The following ZFHX3 variants were observed in gnomAD, a reference collection of about 807,000 sequenced individuals.
The protein encoded by ZFHX3 is zinc finger homeobox protein 3.
A neutral mutation model predicts 279.1 loss-of-function variants in ZFHX3; 42 were observed. The ratio of observed to expected loss-of-function variants is 0.15; its 90% CI spans 0.12 to 0.19. The LOEUF is 0.19. ZFHX3 is among the 10% of genes least tolerant of loss of function. The pLI, the probability that ZFHX3 is intolerant of heterozygous loss-of-function variation, is 1.00. For synonymous variants in ZFHX3, 2,293 were observed against 1,957.8 expected (o/e 1.17, Z -4.52); for missense variants, 4,981 against 4,754.0 (o/e 1.05, Z -1.40).
chr16:73,000,448 T>G (rs962980220), intron 1 of ZFHX3, among the ~76,000 whole-genome samples: 1 of 152,144 alleles, frequency 6.6e-6, no homozygotes, highest in East Asian at 1.9e-4. Flanking sequence ...TTTCCTAGGG[T>G]TGTGGCAATG....
intron 2 of ZFHX3, among the ~76,000 whole-genome samples, chr16:73,525,701 C>G (rs181902510): frequency 6.6e-6 from 1 of 152,190 alleles, no homozygotes; most frequent in Admixed American, 6.5e-5. Flanking sequence ...TCAGGACCAG[C>G]AGCCAATATC....
At chr16:73,552,464 G>T (rs2020216675) in intron 2 of ZFHX3, among the ~76,000 whole-genome samples, 1 of 152,116 alleles carries the variant, frequency 6.6e-6, no homozygotes, top group South Asian at 2.1e-4. Flanking sequence ...ATGGGCAGAA[G>T]CTCAAAAGGT....
At chr16:73,631,269 C>T (rs2052466204) in intron 2 of ZFHX3, among the ~76,000 whole-genome samples, 1 of 152,188 alleles carries the variant, frequency 6.6e-6, no homozygotes, top group South Asian at 2.1e-4. Context: ...ATTAATTCCT[C>T]CTCCAGATAT....
At chr16:73,862,105 A>T (rs1286469122) in intron 1 of ZFHX3, among the ~76,000 whole-genome samples, 1 of 152,132 alleles carries the variant, frequency 6.6e-6, no homozygotes, top group Non-Finnish European at 1.5e-5. Flanking sequence ...CTGAGCATTC[A>T]TTTTGTGGGC....
intron 5 of ZFHX3, among the ~76,000 whole-genome samples, chr16:73,192,811 G>A (rs1370509775): frequency 1.3e-5 from 2 of 152,186 alleles, no homozygotes; most frequent in Non-Finnish European, 2.9e-5. Flanking sequence ...CACAAATGGG[G>A]TCATTCATTT....
intron 1 of ZFHX3, among the ~76,000 whole-genome samples, chr16:73,787,855 A>G (rs199853967): frequency 0.022 from 2,432 of 109,948 alleles, 36 homozygotes; most frequent in African/African-American, 0.064. Context: ...GTGTGTGTGA[A>G]AGAGAGAGAG....
chr16:73,685,336 G>T (rs371695551), intron 1 of ZFHX3, among the ~76,000 whole-genome samples: 6 of 152,192 alleles, frequency 3.9e-5, no homozygotes, highest in East Asian at 1.9e-4. Context: ...TTTTAAAAAT[G>T]TAAGAGGGAG....
intron 1 of ZFHX3, among the ~76,000 whole-genome samples, chr16:73,778,502 G>C (rs1477954238): frequency 6.6e-6 from 1 of 152,180 alleles, no homozygotes; most frequent in Non-Finnish European, 1.5e-5. Context: ...AATTCCCTCA[G>C]TGGTAGCAGC....
intron 1 of ZFHX3, among the ~76,000 whole-genome samples, chr16:73,864,334 C>T (rs908668237): frequency 3.9e-5 from 6 of 152,188 alleles, no homozygotes; most frequent in African/African-American, 4.8e-5. Context: ...TCATTAACTA[C>T]GCTGTGACAA....
Position 72,894,264 on chromosome 16 carries a change from T to C in ZFHX3, c.3217-4302A>G, listed in dbSNP as rs550260943. ...CTTGGGTCTACTATGTCTACCTGCA[T>C]GTGACAAGTCCTGCTCTCCCCAGAT... On this transcript the variant is annotated intron_variant, in intron 3 of 9. Coordinates refer to ENST00000268489, the MANE Select transcript of ZFHX3 (RefSeq NM_006885.4). 6.6e-5 allele frequency among the ~76,000 whole-genome samples: 10 copies of C among 152,304 alleles called. No individual in the cohort carries two copies. The South Asian group carries it at 1.2e-3, about 19-fold the overall frequency.
At chr16:72,871,336 C>T (rs987240997) in intron 4 of ZFHX3, among the ~76,000 whole-genome samples, 3 of 149,744 alleles carry the variant, frequency 2.0e-5, no homozygotes, top group African/African-American at 4.9e-5. Flanking sequence ...CCACCATGCC[C>T]GGCTAATTTT....
intron 4 of ZFHX3, among the ~76,000 whole-genome samples, chr16:72,849,975 C>A (rs80063737): frequency 6.7e-6 from 1 of 148,842 alleles, no homozygotes; most frequent in Non-Finnish European, 1.5e-5. Context: ...TGCTAAGCTA[C>A]GTCAGGGGAC....
intron 3 of ZFHX3, among the ~76,000 whole-genome samples, chr16:73,404,929 C>T (rs1274446116): frequency 6.6e-6 from 1 of 152,212 alleles, no homozygotes; most frequent in Non-Finnish European, 1.5e-5. Context: ...ACTGCCCAAC[C>T]TCCAAGCACT....
intron 7 of ZFHX3, among the ~76,000 whole-genome samples, chr16:73,127,768 C>G (rs1966596986): frequency 6.6e-6 from 1 of 152,184 alleles, no homozygotes; most frequent in African/African-American, 2.4e-5. Context: ...CTATCACAGA[C>G]AGAAGCAGAA....
At chr16:73,480,268 T>C (rs1019593611) in intron 2 of ZFHX3, among the ~76,000 whole-genome samples, 1 of 152,150 alleles carries the variant, frequency 6.6e-6, no homozygotes, top group African/African-American at 2.4e-5. Context: ...TTTGTCAGTG[T>C]GTTTGGTAGT....
chr16:73,547,869 T>C (rs2020147285), intron 2 of ZFHX3, among the ~76,000 whole-genome samples: 1 of 152,236 alleles, frequency 6.6e-6, no homozygotes, highest in Non-Finnish European at 1.5e-5. Context: ...TTTTCCTGAT[T>C]ACTTTGGAAC....
At chr16:72,871,957 C>T (rs961246690) in intron 4 of ZFHX3, among the ~76,000 whole-genome samples, 4 of 152,022 alleles carry the variant, frequency 2.6e-5, no homozygotes, top group East Asian at 2.0e-4. Context: ...TGCTGGTGGG[C>T]GCCTGTAGTC....
chr16:73,687,580 A>G (rs2053102348), intron 1 of ZFHX3, among the ~76,000 whole-genome samples: 1 of 152,118 alleles, frequency 6.6e-6, no homozygotes, highest in Non-Finnish European at 1.5e-5. Flanking sequence ...GCGGTGGCTC[A>G]CATCTGTAAT....
intron 1 of ZFHX3, among the ~76,000 whole-genome samples, chr16:72,991,151 A>G (rs1963075837): frequency 6.6e-6 from 1 of 152,054 alleles, no homozygotes; most frequent in Non-Finnish European, 1.5e-5. Flanking sequence ...ACAGTAAGAT[A>G]TTCTGAGAGA....
Sources: gnomAD v4.1 joint callset for allele counts (sites outside exome capture counted in the v4.1 genomes callset) on GRCh38, gnomAD v4.1.1 for gene constraint, MANE v1.5 for transcripts, NCBI Gene and HGNC (gene_info 2026-07-23, HGNC 2026-07-21) for gene names.